The following LPO variants were observed in gnomAD, a reference collection of about 807,000 sequenced individuals.
The protein encoded by LPO is lactoperoxidase.
A neutral mutation model predicts 68.4 loss-of-function variants in LPO; 70 were observed. That is an observed-to-expected ratio of 1.02 (90% CI 0.84 to 1.25). The LOEUF (loss-of-function observed/expected upper bound fraction) is 1.25, where lower values mean the gene tolerates loss of function less well. LPO is among the 50% of genes most tolerant of loss of function. The pLI, the probability that LPO is intolerant of heterozygous loss-of-function variation, is 0.00. For missense variants in LPO, 873 were observed against 908.4 expected (o/e 0.96, Z 0.50); for synonymous variants, 360 against 357.6 (o/e 1.01, Z -0.08).
Position 58,268,092 on chromosome 17 carries a change from C to T in LPO, c.*98C>T. Reference sequence around the variant, plus strand: ...TTAGAGCTCCATATCCCAGTCCCAGCCCTTCTTTGCAGCTGGGCCTCTCTA... The same window carrying T: ...TTAGAGCTCCATATCCCAGTCCCAGTCCTTCTTTGCAGCTGGGCCTCTCTA... On this transcript the variant is annotated 3_prime_UTR_variant, in exon 13 of 13. Coordinates refer to ENST00000262290, the MANE Select transcript of LPO (RefSeq NM_006151.3). 7.8e-7 allele frequency: 1 copy of T among 1,279,644 alleles called. No individual in the cohort carries two copies. The highest frequency in any genetic ancestry group is 1.1e-6 in the Non-Finnish European group (1 of 912,780). 79.3% of individuals were successfully genotyped at this position (1,279,644 alleles called of 1,614,324 possible).
chr17:58,248,928 T>G (rs1969902066), intron 4 of LPO, 132 bp from the exon 5 acceptor site: 2 of 743,500 alleles, frequency 2.7e-6, no homozygotes, highest in Non-Finnish European at 4.9e-6. Context: ...AGAAACCACT[T>G]GAGAAACGCT....
At position 58,254,827 on chromosome 17, in the gene LPO, A is replaced by C. The variant is rs148204062; in HGVS notation, c.1122A>C (p.Ser374=). 1,668 of 1,614,034 alleles carry C rather than the reference A, an allele frequency of 1.0e-3. 21 individuals carry two copies. In the Admixed American group the frequency reaches 0.014, roughly 14 times the overall value. ...GGCTTTCAGGAGATTCTCGAGCCTC[A>C]GAGCATATTCTGCTGGCCACATCCC... ...PCFLAGDSRA[S]EHILLATSHT... The change falls in exon 9 of 13, where the codon TCA becomes TCC. Residue 374 remains serine (S), a synonymous_variant. Transcript: ENST00000262290.
chr17:58,254,729 G>T (rs972449923), intron 8 of LPO, 82 bp from the exon 9 acceptor site: 4 of 1,461,690 alleles, frequency 2.7e-6, no homozygotes, highest in Non-Finnish European at 3.7e-6. Context: ...CGGTCCTGTG[G>T]GGCACCATCA....
intron 10 of LPO, among the ~76,000 whole-genome samples, chr17:58,265,511 C>T (rs1040146616): frequency 6.6e-6 from 1 of 150,922 alleles, no homozygotes; most frequent in Admixed American, 6.6e-5. Flanking sequence ...CATTATGCAA[C>T]GTTCCTCAGC....
chr17:58,239,869 C>T (rs1361278504), intron 1 of LPO, among the ~76,000 whole-genome samples: 2 of 152,046 alleles, frequency 1.3e-5, no homozygotes. Flanking sequence ...AGAGGCTTGC[C>T]GAGGGACTAT....
Position 58,254,708 on chromosome 17 carries a change from G to T in LPO, c.1106-103G>T, listed in dbSNP as rs1209816830. 3.5e-6 allele frequency: 4 copies of T among 1,128,514 alleles called. No individual in the cohort carries two copies. The East Asian group carries it at 1.0e-4, about 28-fold the overall frequency. 69.9% of individuals were successfully genotyped at this position (1,128,514 alleles called of 1,614,324 possible). On this transcript the variant is annotated intron_variant, in intron 8 of 12. Transcript: ENST00000262290. ...AGTAGGGCTTGTTGACGGGGCGGGG[G>T]GGGCGGGGCGCGGTCCTGTGGGGCA...
At chr17:58,256,110 G>C (rs1044310449) in intron 9 of LPO, among the ~76,000 whole-genome samples, 2 of 152,088 alleles carry the variant, frequency 1.3e-5, no homozygotes, top group Non-Finnish European at 2.9e-5. Flanking sequence ...ACATGTATCC[G>C]AGATGGGCTT....
Position 58,268,230 on chromosome 17 carries a change from A to T in LPO, c.*236A>T. The T allele has an allele frequency of 1.9e-6, 1 of 540,490 alleles. No homozygotes were observed. Among genetic ancestry groups the T allele is most frequent in the Non-Finnish European group, 3.3e-6 (1 of 300,302 alleles). 33.5% of individuals were successfully genotyped at this position (540,490 alleles called of 1,614,324 possible). On this transcript the variant is annotated 3_prime_UTR_variant, in exon 13 of 13. Transcript: ENST00000262290. ...TCTGTCAAGACTTAGCCCCGCTGAG[A>T]TGCCCTTCTGCTCCAGCTTGCTGGA...
At position 58,244,099 on chromosome 17, in the gene LPO, AC is replaced by A; in HGVS notation, c.164+19del. 3 of 1,164,862 alleles carry A rather than the reference AC, an allele frequency of 2.6e-6. No homozygotes were observed. The highest frequency in any genetic ancestry group is 3.7e-6 in the Non-Finnish European group (3 of 814,470). 72.2% of individuals were successfully genotyped at this position (1,164,862 alleles called of 1,614,324 possible). ...CGAACCAGGTACGTGAGACACACAC[AC>A]ACACACACACACACACACACACACA... is the stretch of plus-strand genomic sequence containing the variant. On this transcript the variant is annotated intron_variant, in intron 3 of 12. Coordinates refer to ENST00000262290, the MANE Select transcript of LPO (RefSeq NM_006151.3).
chr17:58,250,825 G>A (rs1466611960), intron 7 of LPO: 13 of 587,494 alleles, frequency 2.2e-5, no homozygotes, highest in Middle Eastern at 4.5e-4. Context: ...TGCACTAAGC[G>A]CTGAGGATTC....
At position 58,264,895 on chromosome 17, in the gene LPO, G is replaced by T. The variant is rs1290904107; in HGVS notation, c.1440G>T (p.Glu480Asp). The T allele has an allele frequency of 6.2e-7, 1 of 1,614,196 alleles. No homozygotes were observed. The highest frequency in any genetic ancestry group is 8.5e-7 in the Non-Finnish European group (1 of 1,180,032). The change falls in exon 10 of 13, where the codon GAG (glutamate) becomes GAT (aspartate). Residue 480 changes from glutamate to aspartate, a missense_variant. Transcript: ENST00000262290. ...EVPSSMFRLD[E>D]NYQPWGPEPE... The stretch of plus-strand genomic sequence containing the variant: ...CCTCTAGTATGTTCCGCCTGGATGA[G>T]AATTATCAGCCATGGGGGCCAGAAC...
At chr17:58,256,164 T>C (rs1477990669) in intron 9 of LPO, among the ~76,000 whole-genome samples, 2 of 152,334 alleles carry the variant, frequency 1.3e-5, no homozygotes, top group Non-Finnish European at 1.5e-5. Context: ...CATGCTGTTG[T>C]GTATATAAAT....
At chr17:58,260,932 T>A (rs2143935628) in intron 9 of LPO, among the ~76,000 whole-genome samples, 1 of 152,298 alleles carries the variant, frequency 6.6e-6, no homozygotes, top group Non-Finnish European at 1.5e-5. Flanking sequence ...TCCAAGCGTT[T>A]GTAGATTTTC....
intron 1 of LPO, among the ~76,000 whole-genome samples, chr17:58,240,783 T>C (rs891917107): frequency 1.3e-5 from 2 of 152,226 alleles, no homozygotes; most frequent in Non-Finnish European, 2.9e-5. Context: ...TCTCAGATGA[T>C]GTCTTTTTAA....
chr17:58,247,065 T>C (rs8178313), intron 3 of LPO, among the ~76,000 whole-genome samples: 4,368 of 152,216 alleles, frequency 0.029, 219 homozygotes, highest in African/African-American at 0.099. Context: ...TTCCAGTTCA[T>C]AAATGAGGGG....
At chr17:58,264,215 T>C (rs1166030988) in intron 9 of LPO, among the ~76,000 whole-genome samples, 1 of 152,258 alleles carries the variant, frequency 6.6e-6, no homozygotes, top group Non-Finnish European at 1.5e-5. Context: ...TTTTCTTTTC[T>C]GAAAATTTTT....
Position 58,247,463 on chromosome 17 carries a change from C to T in LPO, c.165-15C>T, listed in dbSNP as rs780636749. ...ACAGGGTCCAGGCCATGATCCCCAT[C>T]TCCCTCCACTGTAGGCTGAAGACCG... On this transcript the variant is annotated splice_polypyrimidine_tract_variant and intron_variant, in intron 3 of 12. Coordinates refer to ENST00000262290, the MANE Select transcript of LPO (RefSeq NM_006151.3). 7.7e-6 allele frequency: 12 copies of T among 1,567,674 alleles called. No individual in the cohort carries two copies. The highest frequency in any genetic ancestry group is 1.0e-5 in the Non-Finnish European group (12 of 1,152,630).
At chr17:58,263,573 T>C (rs1035993871) in intron 9 of LPO, among the ~76,000 whole-genome samples, 4 of 152,136 alleles carry the variant, frequency 2.6e-5, no homozygotes, top group Admixed American at 6.5e-5. Context: ...ACCCCATCTC[T>C]ACTAAAAATA....
intron 9 of LPO, among the ~76,000 whole-genome samples, chr17:58,261,953 T>C (rs1970182494): frequency 6.6e-6 from 1 of 152,252 alleles, no homozygotes; most frequent in Non-Finnish European, 1.5e-5. Context: ...TCCCTTCACC[T>C]TCCCCACTTT....
Sources: gnomAD v4.1 joint callset for allele counts (sites outside exome capture counted in the v4.1 genomes callset) on GRCh38, gnomAD v4.1.1 for gene constraint, MANE v1.5 for transcripts, NCBI Gene and HGNC (gene_info 2026-07-23, HGNC 2026-07-21) for gene names.